ST6GALNAC3: variants seen among roughly 807,000 people sequenced by gnomAD.
ST6GALNAC3 encodes alpha-N-acetylgalactosaminide alpha-2,6-sialyltransferase 3.
Under a neutral mutation model 32.7 loss-of-function variants are expected in ST6GALNAC3, and 25 were observed. The observed-to-expected ratio is 0.76, with a 90% CI of 0.56 to 1.07. ST6GALNAC3 has a LOEUF of 1.07. Among genes scored for constraint, ST6GALNAC3 ranks in the 50% least tolerant of loss-of-function variants. ST6GALNAC3 has a pLI of 0.00. For synonymous variants in ST6GALNAC3, 129 were observed against 133.1 expected (o/e 0.97, Z 0.21); for missense variants, 355 against 382.4 (o/e 0.93, Z 0.60).
intron 1 of ST6GALNAC3, among the ~76,000 whole-genome samples, chr1:76,285,060 C>A (rs551776042): frequency 5.9e-5 from 9 of 152,140 alleles, no homozygotes; most frequent in Non-Finnish European, 1.2e-4. Flanking sequence ...CTGAGCCCTT[C>A]CTGGAGCTCA....
intron 1 of ST6GALNAC3, among the ~76,000 whole-genome samples, chr1:76,162,772 C>T (rs1429621566): frequency 6.6e-6 from 1 of 152,158 alleles, no homozygotes; most frequent in Admixed American, 6.5e-5. Flanking sequence ...ATGTAAGTGC[C>T]AGGTGAGCAG....
At chr1:76,592,297 C>T (rs917773595) in intron 3 of ST6GALNAC3, among the ~76,000 whole-genome samples, 6 of 152,080 alleles carry the variant, frequency 3.9e-5, no homozygotes, top group Non-Finnish European at 7.4e-5. Context: ...ATTTCAGAAA[C>T]ATTTTGAAGT....
At chr1:76,379,054 C>T (rs1326226561) in intron 2 of ST6GALNAC3, among the ~76,000 whole-genome samples, 5 of 152,066 alleles carry the variant, frequency 3.3e-5, no homozygotes, top group Admixed American at 6.5e-5. Context: ...CCTGCCACCA[C>T]GGCCGGCTAA....
At chr1:76,198,004 G>C (rs555791492) in intron 1 of ST6GALNAC3, among the ~76,000 whole-genome samples, 13 of 151,224 alleles carry the variant, frequency 8.6e-5, no homozygotes, top group African/African-American at 3.1e-4. Context: ...CTGTTACAGA[G>C]TTTTGCCTTT....
Position 76,631,026 on chromosome 1 carries a change from A to G in ST6GALNAC3, c.*2220A>G. Reference sequence around the variant, plus strand: ...CCAACTCTTATTTGTTCTAGCCCCTACTGATGAGAAACATTTGAAAACTTG... The same window carrying G: ...CCAACTCTTATTTGTTCTAGCCCCTGCTGATGAGAAACATTTGAAAACTTG... On this transcript the variant is annotated 3_prime_UTR_variant, in exon 5 of 5. Transcript: ENST00000328299. 1 of 985,590 alleles carries G rather than the reference A, an allele frequency of 1.0e-6. No homozygotes were observed. The highest frequency in any genetic ancestry group is 4.7e-5 in the South Asian group (1 of 21,282). The allele number at this position is 985,590 out of a possible 1,614,324, so 61.1% of individuals were successfully genotyped here.
At chr1:76,555,517 A>G (rs1234103674) in intron 3 of ST6GALNAC3, among the ~76,000 whole-genome samples, 1 of 152,162 alleles carries the variant, frequency 6.6e-6, no homozygotes. Context: ...ATCCAAACAA[A>G]GTGAACCTGG....
intron 1 of ST6GALNAC3, among the ~76,000 whole-genome samples, chr1:76,191,057 C>T (rs2631796): frequency 0.53 from 81,218 of 151,952 alleles, 23,627 homozygotes; most frequent in East Asian, 0.88. Context: ...TCTGTCTGCA[C>T]ATTAATGTTT....
chr1:76,221,790 A>C (rs927363749), intron 1 of ST6GALNAC3, among the ~76,000 whole-genome samples: 12 of 152,214 alleles, frequency 7.9e-5, no homozygotes, highest in Admixed American at 6.5e-5. Context: ...AATGAGTGAC[A>C]GGTTCTGACT....
intron 3 of ST6GALNAC3, among the ~76,000 whole-genome samples, chr1:76,542,693 G>T (rs962235628): frequency 6.6e-6 from 1 of 152,114 alleles, no homozygotes; most frequent in Admixed American, 6.6e-5. Context: ...CCATTGTAAT[G>T]CAATTAATTT....
intron 3 of ST6GALNAC3, among the ~76,000 whole-genome samples, chr1:76,590,365 G>C (rs1647028332): frequency 6.6e-6 from 1 of 152,206 alleles, no homozygotes; most frequent in African/African-American, 2.4e-5. Context: ...CCAGTTGTCA[G>C]ATGTTTCAGT....
rs1041390807 is a variant in ST6GALNAC3, at chr1:76,437,735, G to T, written c.623+25318G>T. On this transcript the variant is annotated intron_variant, in intron 3 of 4. Transcript: ENST00000328299. The stretch of plus-strand genomic sequence containing the variant: ...TGGGACTACAGGCACGCACCACTAC[G>T]CCCAGCTAATTTTTTTATTTTTAGT... Among the ~76,000 whole-genome samples the T allele has an allele frequency of 2.6e-5, 4 of 151,306 alleles. No individual in the cohort carries two copies. The East Asian group carries it at 7.8e-4, about 30-fold the overall frequency.
At chr1:76,347,519 T>G (rs1052180937) in intron 2 of ST6GALNAC3, among the ~76,000 whole-genome samples, 3 of 152,084 alleles carry the variant, frequency 2.0e-5, no homozygotes, top group Admixed American at 1.3e-4. Context: ...TATACCAAAA[T>G]ACAATACAAT....
At chr1:76,510,301 T>A (rs989988118) in intron 3 of ST6GALNAC3, among the ~76,000 whole-genome samples, 2 of 152,114 alleles carry the variant, frequency 1.3e-5, no homozygotes. Flanking sequence ...AAATACTACG[T>A]GTAAGATATT....
intron 1 of ST6GALNAC3, among the ~76,000 whole-genome samples, chr1:76,302,933 G>C (rs544396573): frequency 6.6e-6 from 1 of 151,946 alleles, no homozygotes; most frequent in East Asian, 1.9e-4. Flanking sequence ...GGGGCTCAAG[G>C]GCCTGGATGC....
intron 1 of ST6GALNAC3, among the ~76,000 whole-genome samples, chr1:76,162,756 C>T (rs1489982140): frequency 6.6e-6 from 1 of 152,086 alleles, no homozygotes; most frequent in Non-Finnish European, 1.5e-5. Flanking sequence ...TACAAAGGGG[C>T]AATGTATGTA....
intron 3 of ST6GALNAC3, among the ~76,000 whole-genome samples, chr1:76,468,684 C>A (rs933228684): frequency 1.3e-5 from 2 of 151,978 alleles, no homozygotes; most frequent in Non-Finnish European, 2.9e-5. Flanking sequence ...ACTTGAGGAT[C>A]TACACTCCCA....
Position 76,630,475 on chromosome 1 carries a change from G to A in ST6GALNAC3, c.*1669G>A, listed in dbSNP as rs41291530. 4,910 of 985,180 alleles carry A rather than the reference G, an allele frequency of 5.0e-3. 17 individuals carry two copies. The highest frequency in any genetic ancestry group is 5.4e-3 in the Non-Finnish European group (4,508 of 829,828). 61.0% of individuals were successfully genotyped at this position (985,180 alleles called of 1,614,324 possible). A position where few individuals can be genotyped will look rare whatever the true frequency, so the allele number is the denominator to read the frequency against. ...CTCGTTGCTCATTAAATAGTAAAGG[G>A]TTGATTTGCTGCAAGAGTAGCTGAG... On this transcript the variant is annotated 3_prime_UTR_variant, in exon 5 of 5. Coordinates refer to ENST00000328299, the MANE Select transcript of ST6GALNAC3 (RefSeq NM_152996.4).
Position 76,406,633 on chromosome 1 carries a change from A to G in ST6GALNAC3, c.214-5375A>G, listed in dbSNP as rs192439620. Among the ~76,000 whole-genome samples the G allele has an allele frequency of 1.9e-3, 287 of 152,180 alleles. 1 individual carries two copies. Among genetic ancestry groups the G allele is most frequent in the African/African-American group, 6.4e-3 (266 of 41,562 alleles). On this transcript the variant is annotated intron_variant, in intron 2 of 4. Transcript: ENST00000328299. ...GATTACAAGCATGTTTAAAGCATTA[A>G]TCTATGATTTAATTAAAATAATTTA...
chr1:76,598,465 G>C (rs1647172795), intron 3 of ST6GALNAC3, among the ~76,000 whole-genome samples: 1 of 152,166 alleles, frequency 6.6e-6, no homozygotes, highest in African/African-American at 2.4e-5. Flanking sequence ...ATAGCTGAGA[G>C]ATAGAAATGT....
Sources: gnomAD v4.1 joint callset for allele counts (sites outside exome capture counted in the v4.1 genomes callset) on GRCh38, gnomAD v4.1.1 for gene constraint, MANE v1.5 for transcripts, NCBI Gene and HGNC (gene_info 2026-07-23, HGNC 2026-07-21) for gene names.